CCSER1: variants seen among roughly 807,000 people sequenced by gnomAD.
CCSER1 encodes coiled-coil serine rich protein 1, also known as serine-rich coiled-coil domain-containing protein 1.
CCSER1 carries 41 observed loss-of-function variants against 82.0 expected under a neutral mutation model. That is an observed-to-expected ratio of 0.50 (90% confidence interval 0.39 to 0.65). CCSER1 has a LOEUF of 0.65. Ranked by LOEUF, CCSER1 falls within the 30% of genes least tolerant of loss-of-function variation. The pLI is 0.00. For synonymous variants in CCSER1, 414 were observed against 383.9 expected, an observed-to-expected ratio of 1.08 and a Z score of -0.92; for missense variants, 1,119 against 1,064.2, an observed-to-expected ratio of 1.05 and a Z score of -0.72.
In CCSER1 at chr4:90,589,831, G is replaced by A. The variant is rs1782481040; in HGVS notation, c.1725-38194G>A. Among the ~76,000 whole-genome samples the A allele has an allele frequency of 3.3e-5, 5 of 152,084 alleles. No homozygotes were observed. In the South Asian group the frequency reaches 1.0e-3, roughly 31 times the overall value. On this transcript the variant is annotated intron_variant, in intron 5 of 10. Transcript: ENST00000509176. The stretch of plus-strand genomic sequence containing the variant: ...CTAGAAACTTTCTATTAAAATAAGT[G>A]AAATGTAGTTAACAAAGGATATTTA...
chr4:90,223,756 A>C (rs764892379), intron 1 of CCSER1, among the ~76,000 whole-genome samples: 1 of 152,254 alleles, frequency 6.6e-6, no homozygotes, highest in African/African-American at 2.4e-5. Context: ...ACGTAAAAAA[A>C]GTCTGTATTG....
rs182727678 is a variant in CCSER1 at position 90,478,131 on chromosome 4, A to C, written c.1724+9777A>C. On this transcript the variant is annotated intron_variant, in intron 5 of 10. Coordinates refer to ENST00000509176, the MANE Select transcript of CCSER1 (RefSeq NM_001145065.2). ...AAAGTCTGGGAATGCCTGTTGTAAA[A>C]TGTGAAGTAGCATACCTTACTTCTT... Among the ~76,000 whole-genome samples, 10 of 152,306 alleles carry C rather than the reference A, an allele frequency of 6.6e-5. 1 individual carries two copies. The East Asian group carries it at 1.3e-3, about 21-fold the overall frequency.
chr4:91,334,651 C>T (rs1178297852), intron 10 of CCSER1, among the ~76,000 whole-genome samples: 2 of 152,006 alleles, frequency 1.3e-5, no homozygotes, highest in African/African-American at 4.8e-5. Context: ...AATATGTATG[C>T]ATCACTTAGC....
intron 8 of CCSER1, among the ~76,000 whole-genome samples, chr4:90,871,288 A>C (rs1766469748): frequency 6.6e-6 from 1 of 151,704 alleles, no homozygotes; most frequent in African/African-American, 2.4e-5. Context: ...AAGTTTTAAA[A>C]AAAAATATTT....
intron 8 of CCSER1, among the ~76,000 whole-genome samples, chr4:90,910,467 A>C (rs1314918100): frequency 2.6e-5 from 4 of 152,188 alleles, no homozygotes. Flanking sequence ...AAATGAAATC[A>C]CCCAAGTTCT....
intron 10 of CCSER1, among the ~76,000 whole-genome samples, chr4:91,469,515 CCT>C (rs1170542851): frequency 6.6e-5 from 10 of 152,200 alleles, no homozygotes; most frequent in South Asian, 2.1e-4. Context: ...TAGTTTTCCC[CCT>C]GTTATCCTTC....
At chr4:91,384,056 C>A (rs1020909224) in intron 10 of CCSER1, among the ~76,000 whole-genome samples, 3 of 151,950 alleles carry the variant, frequency 2.0e-5, no homozygotes, top group Admixed American at 1.3e-4. Context: ...GTTCCAGTTG[C>A]TGTAGCTAAA....
In CCSER1 at chr4:91,013,643, AC is replaced by A. The variant is rs1189521144; in HGVS notation, c.2173-72305del. Among the ~76,000 whole-genome samples the A allele has an allele frequency of 5.9e-4, 73 of 123,320 alleles. 16 individuals are homozygous for A. The highest frequency in any genetic ancestry group is 1.2e-3 in the Non-Finnish European group (64 of 52,756). 80.9% of individuals were successfully genotyped at this position (123,320 alleles called of 152,430 possible). On this transcript the variant is annotated intron_variant, in intron 9 of 10. Transcript: ENST00000509176. Reference sequence around the variant, plus strand: ...TTTGAGATGGAGTCTTGCTCTGTCAACCAGGCTGGAGTGCAGTGGCGCGATC... The same window carrying A: ...TTTGAGATGGAGTCTTGCTCTGTCAACAGGCTGGAGTGCAGTGGCGCGATC...
intron 10 of CCSER1, among the ~76,000 whole-genome samples, chr4:91,434,823 C>T (rs1754549266): frequency 6.6e-6 from 1 of 152,136 alleles, no homozygotes; most frequent in South Asian, 2.1e-4. Flanking sequence ...GGAGCCATTC[C>T]AAGATTCCCC....
intron 5 of CCSER1, among the ~76,000 whole-genome samples, chr4:90,559,142 A>G (rs1778440887): frequency 1.3e-5 from 2 of 152,180 alleles, no homozygotes; most frequent in Admixed American, 6.5e-5. Context: ...TCTGATTTGT[A>G]TATTCTATTT....
intron 3 of CCSER1, among the ~76,000 whole-genome samples, chr4:90,360,304 G>A (rs1441569515): frequency 2.0e-5 from 3 of 149,084 alleles, no homozygotes; most frequent in Admixed American, 6.6e-5. Flanking sequence ...CGAGGCGGGC[G>A]GATCACGAGG....
chr4:91,351,696 G>T (rs1748480789), intron 10 of CCSER1, among the ~76,000 whole-genome samples: 1 of 151,950 alleles, frequency 6.6e-6, no homozygotes, highest in African/African-American at 2.4e-5. Context: ...ATGCTCTTAA[G>T]AATGAGAGAG....
intron 4 of CCSER1, among the ~76,000 whole-genome samples, chr4:90,457,375 G>C (rs945394028): frequency 1.3e-5 from 2 of 152,076 alleles, no homozygotes; most frequent in Non-Finnish European, 2.9e-5. Context: ...TGCTGACTAG[G>C]GGGGCATGTT....
intron 9 of CCSER1, among the ~76,000 whole-genome samples, chr4:91,081,796 G>T (rs1722787041): frequency 6.6e-6 from 1 of 152,146 alleles, no homozygotes; most frequent in African/African-American, 2.4e-5. Context: ...CAAATTATGA[G>T]TGAACTCCCA....
intron 10 of CCSER1, among the ~76,000 whole-genome samples, chr4:91,181,380 G>T (rs1734019092): frequency 6.6e-6 from 1 of 152,188 alleles, no homozygotes; most frequent in Non-Finnish European, 1.5e-5. Flanking sequence ...GTTACTAGCT[G>T]CTAATCTGTC....
intron 1 of CCSER1, among the ~76,000 whole-genome samples, chr4:90,194,623 T>C (rs1314246640): frequency 2.0e-5 from 3 of 152,070 alleles, no homozygotes; most frequent in Admixed American, 2.0e-4. Context: ...CTTACTGAAT[T>C]ATCAAATATC....
intron 9 of CCSER1, among the ~76,000 whole-genome samples, chr4:91,002,070 G>A (rs1207122954): frequency 6.6e-6 from 1 of 152,174 alleles, no homozygotes; most frequent in Non-Finnish European, 1.5e-5. Context: ...TAAAGAGGCT[G>A]AAGATAGGGT....
chr4:90,198,178 A>C (rs1171797874), intron 1 of CCSER1, among the ~76,000 whole-genome samples: 1 of 152,108 alleles, frequency 6.6e-6, no homozygotes, highest in African/African-American at 2.4e-5. Flanking sequence ...TTGGTGATCA[A>C]CTCAACCTTT....
At chr4:90,627,977 C>G (rs774275099) in intron 5 of CCSER1, 48 bp from the exon 6 acceptor site, 4 of 1,460,716 alleles carry the variant, frequency 2.7e-6, no homozygotes, top group African/African-American at 1.4e-5. Flanking sequence ...AAATACTGCT[C>G]TAAGCATGCT....
Sources: gnomAD v4.1 joint callset for allele counts (sites outside exome capture counted in the v4.1 genomes callset) on GRCh38, gnomAD v4.1.1 for gene constraint, MANE v1.5 for transcripts, NCBI Gene and HGNC (gene_info 2026-07-23, HGNC 2026-07-21) for gene names.